Variants in PARM1 observed in about 807,000 individuals in gnomAD.
PARM1 encodes the protein prostate androgen-regulated mucin-like protein 1, also known as WSC4, cell wall integrity and stress response component 4 homolog.
In PARM1, 14 loss-of-function variants were observed where a neutral mutation model predicts 24.6. That is an observed-to-expected ratio of 0.57 (90% CI 0.38 to 0.89). The LOEUF (loss-of-function observed/expected upper bound fraction) is 0.89, where lower values mean the gene tolerates loss of function less well. Ranked by LOEUF, PARM1 falls within the 40% of genes least tolerant of loss-of-function variation. The pLI, the probability that PARM1 is intolerant of heterozygous loss-of-function variation, is 0.00. For synonymous variants in PARM1, 179 were observed against 156.6 expected (o/e 1.14, Z -1.07); for missense variants, 362 against 380.4 (o/e 0.95, Z 0.40).
intron 1 of PARM1, among the ~76,000 whole-genome samples, chr4:74,941,538 A>T (rs1184379375): frequency 6.6e-6 from 1 of 152,224 alleles, no homozygotes; most frequent in Admixed American, 6.5e-5. Flanking sequence ...CTACTGCTAG[A>T]TATGAAAAAT....
chr4:74,965,421 G>C (rs1359052853), intron 1 of PARM1: 1 of 152,206 alleles, frequency 6.6e-6, no homozygotes, highest in East Asian at 1.9e-4. Context: ...GGATACAGGT[G>C]CTGTCATTCC....
chr4:75,049,828 A>G lies in PARM1; in HGVS notation c.*3581A>G, dbSNP rs1477061700. 4.8e-5 allele frequency: 7 copies of G among 147,300 alleles called. No homozygotes were observed. Among genetic ancestry groups the G allele is most frequent in the Admixed American group, 4.0e-4 (6 of 14,840 alleles). 9.1% of individuals were successfully genotyped at this position (147,300 alleles called of 1,614,324 possible). On this transcript the variant is annotated 3_prime_UTR_variant, in exon 4 of 4. Transcript: ENST00000307428. ...GCAATTGGGCCAGATGCTAATTTGC[A>G]CGTTGATTCACCTTCTTTGCCTTTA...
chr4:75,023,134 C>T (rs558034726), intron 2 of PARM1, among the ~76,000 whole-genome samples: 1 of 152,160 alleles, frequency 6.6e-6, no homozygotes, highest in Non-Finnish European at 1.5e-5. Flanking sequence ...AACACTTTGC[C>T]ATATTTCCAT....
intron 1 of PARM1, chr4:74,965,216 AG>A (rs1169374903): frequency 1.1e-4 from 16 of 152,358 alleles, no homozygotes; most frequent in African/African-American, 3.8e-4. Context: ...GTATAAAGGA[AG>A]AAAGTTATTT....
rs534633426 is a variant in PARM1, at chr4:74,990,507, G to A, written c.44-21918G>A. Reference sequence around the variant, plus strand: ...CTGGCCAGAGATGAAACTTAGATATGCAGGCACAGTACCAGAAACAGCAAA... The same window carrying A: ...CTGGCCAGAGATGAAACTTAGATATACAGGCACAGTACCAGAAACAGCAAA... On this transcript the variant is annotated intron_variant, in intron 1 of 3. Transcript: ENST00000307428. Among the ~76,000 whole-genome samples the A allele has an allele frequency of 3.9e-5, 6 of 152,236 alleles. No individual in the cohort carries two copies. In the Middle Eastern group the frequency reaches 0.01, roughly 259 times the overall value.
In PARM1 at chr4:74,997,804, T is replaced by C. The variant is rs1219020558; in HGVS notation, c.44-14621T>C. 3.3e-5 allele frequency: 5 copies of C among 152,286 alleles called. No homozygotes were observed. In the East Asian group the frequency reaches 9.6e-4, roughly 29 times the overall value. 9.4% of individuals were successfully genotyped at this position (152,286 alleles called of 1,614,324 possible). On this transcript the variant is annotated intron_variant, in intron 1 of 3. Coordinates refer to ENST00000307428, the MANE Select transcript of PARM1 (RefSeq NM_015393.4). ...AATCCCAGCACTGCCAGAGGGAACA[T>C]AGGAATATATTAAAAAGTGGTTTAT...
rs571171792 is a variant in PARM1 at position 75,049,069 on chromosome 4, G to A, written c.*2822G>A. Reference sequence around the variant, plus strand: ...GTCTAAACAACCACATCCTATCCATGGATAGGTCTAGTCATAACACTTTAG... The same window carrying A: ...GTCTAAACAACCACATCCTATCCATAGATAGGTCTAGTCATAACACTTTAG... On this transcript the variant is annotated 3_prime_UTR_variant, in exon 4 of 4. Coordinates refer to ENST00000307428, the MANE Select transcript of PARM1 (RefSeq NM_015393.4). The A allele has an allele frequency of 6.6e-6, 1 of 152,404 alleles. No individual in the cohort carries two copies. The highest frequency in any genetic ancestry group is 1.9e-4 in the East Asian group (1 of 5,162). 9.4% of individuals were successfully genotyped at this position (152,404 alleles called of 1,614,324 possible). A position where few individuals can be genotyped will look rare whatever the true frequency, so the allele number is the denominator to read the frequency against.
chr4:74,974,174 C>T (rs370592303), intron 1 of PARM1, among the ~76,000 whole-genome samples: 5 of 152,220 alleles, frequency 3.3e-5, no homozygotes, highest in African/African-American at 7.2e-5. Context: ...AGGCTCGCCA[C>T]GGATTGGATG....
intron 1 of PARM1, among the ~76,000 whole-genome samples, chr4:75,000,131 C>T (rs1329785539): frequency 6.6e-6 from 1 of 152,150 alleles, no homozygotes; most frequent in East Asian, 1.9e-4. Context: ...GAGGAGTAAT[C>T]ATCTTTCTCT....
chr4:75,045,261 G>T (rs1723577906), intron 3 of PARM1, among the ~76,000 whole-genome samples: 1 of 152,112 alleles, frequency 6.6e-6, no homozygotes, highest in Admixed American at 6.6e-5. Context: ...AGGGAGCAAG[G>T]GTCCTATAAT....
chr4:74,974,580 G>A (rs942804698), intron 1 of PARM1, among the ~76,000 whole-genome samples: 2 of 152,192 alleles, frequency 1.3e-5, no homozygotes, highest in African/African-American at 2.4e-5. Flanking sequence ...AGAATGTGGA[G>A]GTGATTGCAG....
intron 1 of PARM1, among the ~76,000 whole-genome samples, chr4:75,007,968 C>T (rs943960903): frequency 1.3e-5 from 2 of 152,212 alleles, no homozygotes; most frequent in African/African-American, 4.8e-5. Flanking sequence ...CTAGCCTTTA[C>T]AACTGCGAAA....
At chr4:74,991,573 C>T (rs557024430) in intron 1 of PARM1, among the ~76,000 whole-genome samples, 2 of 152,284 alleles carry the variant, frequency 1.3e-5, no homozygotes, top group East Asian at 3.9e-4. Flanking sequence ...AAGCTGAGTA[C>T]TGATGAGCGC....
chr4:74,933,436 G>T (rs189562495), intron 1 of PARM1, 66 bp downstream of exon 1: 3 of 1,429,042 alleles, frequency 2.1e-6, no homozygotes, highest in Non-Finnish European at 3.0e-6. Context: ...GCGCGTGGTC[G>T]GGGCTGAAGC....
At chr4:74,998,148 C>T (rs1722610844) in intron 1 of PARM1, among the ~76,000 whole-genome samples, 1 of 152,214 alleles carries the variant, frequency 6.6e-6, no homozygotes, top group Admixed American at 6.5e-5. Flanking sequence ...ATTGCAAACA[C>T]TGTCTTTAGC....
chr4:74,936,461 G>GTTTTGTT (rs1553967315), intron 1 of PARM1, among the ~76,000 whole-genome samples: 1 of 114,414 alleles, frequency 8.7e-6, no homozygotes, highest in Non-Finnish European at 2.0e-5. Flanking sequence ...TTGTTTTTTT[G>GTTTTGTT]TTTTTTTTTT....
chr4:74,999,340 T>G (rs1018292689), intron 1 of PARM1, among the ~76,000 whole-genome samples: 1 of 152,224 alleles, frequency 6.6e-6, no homozygotes, highest in Admixed American at 6.5e-5. Flanking sequence ...TACCAGTCCT[T>G]TCCTTTCAGC....
intron 1 of PARM1, among the ~76,000 whole-genome samples, chr4:74,998,124 A>G (rs1041247923): frequency 1.3e-5 from 2 of 152,030 alleles, no homozygotes; most frequent in Admixed American, 6.6e-5. Flanking sequence ...GCCAATGACA[A>G]CTCCCCAGTT....
chr4:74,985,789 G>A (rs773614306), intron 1 of PARM1, among the ~76,000 whole-genome samples: 4 of 152,110 alleles, frequency 2.6e-5, no homozygotes, highest in Non-Finnish European at 4.4e-5. Flanking sequence ...TTGTTTTTGA[G>A]ATGGAGTCAC....
Sources: allele counts gnomAD v4.1 joint callset (sites outside exome capture counted in the v4.1 genomes callset), GRCh38; gene constraint gnomAD v4.1.1; transcripts MANE v1.5; gene names NCBI Gene and HGNC (gene_info 2026-07-23, HGNC 2026-07-21).